PIEZO2: variants seen among roughly 807,000 people sequenced by gnomAD.
PIEZO2 encodes the protein piezo-type mechanosensitive ion channel component 2.
A neutral mutation model predicts 337.3 loss-of-function variants in PIEZO2; 172 were observed. The observed-to-expected ratio is 0.51, with a 90% CI of 0.45 to 0.58. The LOEUF is 0.58. Ranked by LOEUF, PIEZO2 falls within the 20% of genes least tolerant of loss-of-function variation. PIEZO2 has a pLI of 0.00. For synonymous variants in PIEZO2, 1,251 were observed against 1,228.5 expected, an observed-to-expected ratio of 1.02 and a Z score of -0.38; for missense variants, 3,028 against 3,391.3, an observed-to-expected ratio of 0.89 and a Z score of 2.66.
At chr18:11,137,401 A>G (rs1184666929) in intron 1 of PIEZO2, among the ~76,000 whole-genome samples, 1 of 152,212 alleles carries the variant, frequency 6.6e-6, no homozygotes, top group Non-Finnish European at 1.5e-5. Context: ...TAATATTAAA[A>G]AAGGCATGTG....
chr18:10,937,312 G>A (rs2032458991), intron 3 of PIEZO2, among the ~76,000 whole-genome samples: 1 of 152,098 alleles, frequency 6.6e-6, no homozygotes, highest in Non-Finnish European at 1.5e-5. Context: ...TGGTTTTGAG[G>A]TTGGCCTCTT....
At chr18:10,972,442 C>T (rs1295402268) in intron 3 of PIEZO2, among the ~76,000 whole-genome samples, 3 of 152,068 alleles carry the variant, frequency 2.0e-5, no homozygotes, top group Non-Finnish European at 4.4e-5. Context: ...CCAGGCCAGG[C>T]CCAAGGCTGC....
chr18:11,092,149 CAG>C lies in PIEZO2; in HGVS notation c.65-25929_65-25928del, dbSNP rs2039111717. ...CTGACTATAGAAAGAGATCTCAGGACAGAGATTAATGGAGCATAATTCTCGTC... is the reference window on the plus strand; with the variant it reads ...CTGACTATAGAAAGAGATCTCAGGACAGATTAATGGAGCATAATTCTCGTC... On this transcript the variant is annotated intron_variant, in intron 1 of 55. Coordinates refer to ENST00000674853, the MANE Select transcript of PIEZO2 (RefSeq NM_001378183.1). This position sits in a 1 kb window ranked among gnomAD's most constrained non-coding sequence, Gnocchi z 4.5. Among the ~76,000 whole-genome samples, 2 of 152,146 alleles carry C rather than the reference CAG, an allele frequency of 1.3e-5. No individual in the cohort carries two copies. Among genetic ancestry groups the C allele is most frequent in the Non-Finnish European group, 2.9e-5 (2 of 68,040 alleles).
At chr18:11,090,912 TAAAA>T (rs61020782) in intron 1 of PIEZO2, among the ~76,000 whole-genome samples, 13 of 123,656 alleles carry the variant, frequency 1.1e-4, no homozygotes, top group Admixed American at 3.3e-4. Context: ...AGACTCCGTC[TAAAA>T]AAAAAAAAAA....
At chr18:10,944,546 CTTAGTAACAGATATATATATATATA>C (rs1568225277) in intron 3 of PIEZO2, among the ~76,000 whole-genome samples, 682 of 64,700 alleles carry the variant, frequency 0.011, 6 homozygotes, top group African/African-American at 0.042. Context: ...ATATATATAT[CTTAGTAACAGATATATATATATATA>C]TCTAAGTGAA....
intron 2 of PIEZO2, among the ~76,000 whole-genome samples, chr18:11,059,804 A>C (rs572269553): frequency 6.6e-6 from 1 of 152,286 alleles, no homozygotes; most frequent in Non-Finnish European, 1.5e-5. Context: ...ACACAATAAT[A>C]ATGGGAGACT....
chr18:10,759,641 C>A lies in PIEZO2; in HGVS notation c.3656-58G>T, dbSNP rs2038037164. The stretch of plus-strand genomic sequence containing the variant: ...AATACTCTTCTTCACCACTCTTCTC[C>A]CAGCCGTCCGCTCAGTAATGGCTTC... On this transcript the variant is annotated intron_variant, in intron 25 of 55. Coordinates refer to ENST00000674853, the MANE Select transcript of PIEZO2 (RefSeq NM_001378183.1). This position sits in a 1 kb window ranked among gnomAD's most constrained non-coding sequence, Gnocchi z 5.5. 10 of 1,535,370 alleles carry A rather than the reference C, an allele frequency of 6.5e-6. No homozygotes were observed. In the South Asian group the frequency reaches 1.2e-4, roughly 18 times the overall value.
At chr18:10,735,490 G>A (rs1293616257) in intron 34 of PIEZO2, among the ~76,000 whole-genome samples, 160 bp from the exon 35 acceptor site, 1 of 152,130 alleles carries the variant, frequency 6.6e-6, no homozygotes, top group Non-Finnish European at 1.5e-5. Flanking sequence ...TTGTAAGTTA[G>A]GAATAAAGAA....
chr18:10,807,363 C>T lies in PIEZO2; in HGVS notation c.918-89G>A, dbSNP rs970010536. On this transcript the variant is annotated intron_variant, in intron 7 of 55. Coordinates refer to ENST00000674853, the MANE Select transcript of PIEZO2 (RefSeq NM_001378183.1). ...AAAAGTACTTTGTTTTTGATACATT[C>T]GTGAGCTATTCCTAGGTTGATCCGT... 4.0e-5 allele frequency: 48 copies of T among 1,208,530 alleles called. No individual in the cohort carries two copies. In the African/African-American group the frequency reaches 5.2e-4, roughly 13 times the overall value. The allele number at this position is 1,208,530 out of a possible 1,614,324, so 74.9% of individuals were successfully genotyped here.
At chr18:10,964,468 T>C (rs1483622875) in intron 3 of PIEZO2, among the ~76,000 whole-genome samples, 4 of 152,228 alleles carry the variant, frequency 2.6e-5, no homozygotes, top group African/African-American at 9.6e-5. Flanking sequence ...AAAATATTTA[T>C]CTTCACTATT....
intron 15 of PIEZO2, 131 bp from the exon 16 acceptor site, chr18:10,787,315 T>G: frequency 1.0e-6 from 1 of 992,600 alleles, no homozygotes; most frequent in Non-Finnish European, 1.4e-6. Flanking sequence ...TCTATTTCAT[T>G]TCTAGTTTTT....
chr18:11,023,329 C>A (rs548503942), intron 2 of PIEZO2, among the ~76,000 whole-genome samples: 1 of 152,242 alleles, frequency 6.6e-6, no homozygotes, highest in African/African-American at 2.4e-5. Context: ...GAGCTAGACA[C>A]AAAGGTTCTC....
chr18:11,087,084 T>C (rs1039872897), intron 1 of PIEZO2, among the ~76,000 whole-genome samples: 2 of 152,170 alleles, frequency 1.3e-5, no homozygotes, highest in Non-Finnish European at 2.9e-5. Context: ...ATACGTGCCC[T>C]TATAAAAGAG....
chr18:10,933,603 C>T (rs2032214705), intron 3 of PIEZO2, among the ~76,000 whole-genome samples: 1 of 152,140 alleles, frequency 6.6e-6, no homozygotes, highest in Admixed American at 6.5e-5. Flanking sequence ...CATCCAGACA[C>T]TTGCTGGAGG....
chr18:10,858,341 A>G (rs368826170), intron 5 of PIEZO2, among the ~76,000 whole-genome samples: 8 of 141,492 alleles, frequency 5.7e-5, no homozygotes, highest in South Asian at 2.2e-4. Flanking sequence ...AAAAAAAAAA[A>G]AAAAAAGAAA....
chr18:10,681,034 C>G (rs576400009), intron 51 of PIEZO2, among the ~76,000 whole-genome samples: 3 of 152,152 alleles, frequency 2.0e-5, no homozygotes, highest in Non-Finnish European at 2.9e-5. Context: ...AAAATAATAG[C>G]CTTTTTAAAA....
chr18:11,006,103 A>G (rs1398531736), intron 2 of PIEZO2, among the ~76,000 whole-genome samples: 1 of 152,214 alleles, frequency 6.6e-6, no homozygotes, highest in African/African-American at 2.4e-5. Flanking sequence ...TGGACCTCTC[A>G]GGAAGACCCC....
Position 11,080,874 on chromosome 18 carries a change from A to G in PIEZO2, c.65-14652T>C, listed in dbSNP as rs1455482150. 6.6e-6 allele frequency among the ~76,000 whole-genome samples: 1 copy of G among 152,142 alleles called. No individual in the cohort carries two copies. Among genetic ancestry groups the G allele is most frequent in the African/African-American group, 2.4e-5 (1 of 41,442 alleles). On this transcript the variant is annotated intron_variant, in intron 1 of 55. Coordinates refer to ENST00000674853, the MANE Select transcript of PIEZO2 (RefSeq NM_001378183.1). The surrounding 1 kb of genome is among the most constrained non-coding windows in gnomAD (Gnocchi z 5.4). ...AATAAACAAACACATAAATAAATAAATAAAGCAGAGATATCAGAGAAAAGT... is the reference window on the plus strand; with the variant it reads ...AATAAACAAACACATAAATAAATAAGTAAAGCAGAGATATCAGAGAAAAGT...
rs995522310 is a variant in PIEZO2, at chr18:10,713,731, C to T, written c.5423+1033G>A. ...TTGGCACAGAATAGCTGATACTCAACATGTTTAATGAAAAACATAAAACAT... is the reference window on the plus strand; with the variant it reads ...TTGGCACAGAATAGCTGATACTCAATATGTTTAATGAAAAACATAAAACAT... On this transcript the variant is annotated intron_variant, in intron 39 of 55. Coordinates refer to ENST00000674853, the MANE Select transcript of PIEZO2 (RefSeq NM_001378183.1). This position sits in a 1 kb window ranked among gnomAD's most constrained non-coding sequence, Gnocchi z 4.5. Among the ~76,000 whole-genome samples the T allele has an allele frequency of 1.3e-4, 20 of 152,322 alleles. No individual in the cohort carries two copies. Among genetic ancestry groups the T allele is most frequent in the Middle Eastern group, 3.4e-3 (1 of 294 alleles).
Sources: gnomAD v4.1 joint callset for allele counts (sites outside exome capture counted in the v4.1 genomes callset) on GRCh38, gnomAD v4.1.1 for gene constraint, Gnocchi (gnomAD v3.1) non-coding constraint, MANE v1.5 for transcripts, NCBI Gene and HGNC (gene_info 2026-07-23, HGNC 2026-07-21) for gene names.